CPLX2: variants seen among roughly 807,000 people sequenced by gnomAD.
CPLX2 encodes complexin-2.
CPLX2 carries 5 observed loss-of-function variants against 16.3 expected under a neutral mutation model. The ratio of observed to expected loss-of-function variants is 0.31; its 90% CI spans 0.16 to 0.64. CPLX2 has a LOEUF of 0.64. Among genes scored for constraint, CPLX2 ranks in the 30% least tolerant of loss-of-function variants. CPLX2 has a pLI of 0.79. For missense variants in CPLX2, 144 were observed against 181.4 expected (o/e 0.79, Z 1.18); for synonymous variants, 89 against 73.2 (o/e 1.22, Z -1.10).
chr5:175,833,517 C>A (rs1283812908), intron 2 of CPLX2, among the ~76,000 whole-genome samples: 1 of 152,170 alleles, frequency 6.6e-6, no homozygotes, highest in Non-Finnish European at 1.5e-5. Context: ...AAGGAGCAGA[C>A]ATCTAAGCTG....
chr5:175,829,365 C>T (rs17767831), intron 2 of CPLX2, among the ~76,000 whole-genome samples: 7,840 of 152,206 alleles, frequency 0.052, 257 homozygotes, highest in South Asian at 0.11. Context: ...TCCCTGGGGT[C>T]GCGCAGAAGC....
intron 2 of CPLX2, among the ~76,000 whole-genome samples, chr5:175,858,029 A>G (rs762520327): frequency 6.6e-6 from 1 of 152,256 alleles, no homozygotes; most frequent in Non-Finnish European, 1.5e-5. Context: ...GAAAGTGTCA[A>G]CATCCCACTT....
intron 2 of CPLX2, among the ~76,000 whole-genome samples, chr5:175,833,613 A>G (rs1215297876): frequency 2.0e-5 from 3 of 152,132 alleles, no homozygotes; most frequent in Admixed American, 2.0e-4. Context: ...CAAAGCCTAG[A>G]TCCCACTCCA....
chr5:175,819,627 G>A (rs901615502), intron 2 of CPLX2, among the ~76,000 whole-genome samples: 3 of 152,204 alleles, frequency 2.0e-5, no homozygotes, highest in Non-Finnish European at 4.4e-5. Context: ...GCCAAGTGGA[G>A]TGTCTGGGAT....
chr5:175,857,277 A>G (rs1158216626), intron 2 of CPLX2, among the ~76,000 whole-genome samples: 1 of 152,194 alleles, frequency 6.6e-6, no homozygotes, highest in Non-Finnish European at 1.5e-5. Flanking sequence ...TTTTCAGGTC[A>G]GGCTCAGATG....
At chr5:175,843,300 C>T (rs1758979564) in intron 2 of CPLX2, among the ~76,000 whole-genome samples, 1 of 152,334 alleles carries the variant, frequency 6.6e-6, no homozygotes, top group South Asian at 2.1e-4. Context: ...CAGAAAGCCC[C>T]AAGCTGTAAA....
chr5:175,870,451 T>C (rs1277881560), upstream of CPLX2, among the ~76,000 whole-genome samples: 1 of 152,110 alleles, frequency 6.6e-6, no homozygotes, highest in Non-Finnish European at 1.5e-5. Flanking sequence ...GGAGAAGCCA[T>C]CTCCACTCTG....
intron 2 of CPLX2, among the ~76,000 whole-genome samples, chr5:175,839,158 A>T (rs191276297): frequency 6.6e-6 from 1 of 152,204 alleles, no homozygotes; most frequent in Non-Finnish European, 1.5e-5. Context: ...TTAGCTCTTG[A>T]GTAGCTGGGA....
At chr5:175,801,340 C>T (rs1459762214) in intron 1 of CPLX2, among the ~76,000 whole-genome samples, 4 of 152,050 alleles carry the variant, frequency 2.6e-5, no homozygotes, top group Admixed American at 6.6e-5. Flanking sequence ...CAGTAGCCCA[C>T]GCTAAGGGCT....
rs368897543 is a variant in CPLX2 at position 175,799,425 on chromosome 5, C to A, written c.-169+2641C>A. ...TAAGATCCCATTTTCTTCTCTAGCT[C>A]AAAGAGGCTGGAAGGTGGAAAAGGA... On this transcript the variant is annotated intron_variant, in intron 1 of 4. Coordinates refer to the CPLX2 transcript ENST00000359546. Among the ~76,000 whole-genome samples the A allele has an allele frequency of 4.4e-3, 667 of 151,710 alleles. 3 individuals carry two copies. Among genetic ancestry groups the A allele is most frequent in the South Asian group, 0.017 (80 of 4,772 alleles).
At chr5:175,821,483 T>C (rs559253085) in intron 2 of CPLX2, among the ~76,000 whole-genome samples, 117 of 152,200 alleles carry the variant, frequency 7.7e-4, no homozygotes, top group South Asian at 1.2e-3. Context: ...TCTCGGCTCA[T>C]TGCAACCTCT....
intron 2 of CPLX2, among the ~76,000 whole-genome samples, chr5:175,860,585 G>GAGAAGGAAGGAA (rs1554121256): frequency 7.3e-5 from 7 of 95,610 alleles, no homozygotes; most frequent in African/African-American, 2.5e-4. Flanking sequence ...GAGGGAGGGA[G>GAGAAGGAAGGAA]GGAAGGAAGG....
intron 1 of CPLX2, among the ~76,000 whole-genome samples, chr5:175,807,822 TG>T (rs1758237829): frequency 2.0e-5 from 3 of 151,912 alleles, no homozygotes; most frequent in African/African-American, 7.3e-5. Flanking sequence ...GGGAGGGAAG[TG>T]GGGGTCTGAG....
intron 1 of CPLX2, among the ~76,000 whole-genome samples, chr5:175,808,204 A>G (rs1024522841): frequency 6.6e-6 from 1 of 152,116 alleles, no homozygotes; most frequent in Admixed American, 6.5e-5. Context: ...TAAGCAGACC[A>G]TCTCCCCCTC....
At chr5:175,858,612 A>G (rs373900863) in intron 2 of CPLX2, among the ~76,000 whole-genome samples, 1 of 152,230 alleles carries the variant, frequency 6.6e-6, no homozygotes, top group African/African-American at 2.4e-5. Context: ...AGAGGGTACA[A>G]GCAGGAAATG....
In CPLX2 at chr5:175,839,299, T is replaced by TG. The variant is rs76364284; in HGVS notation, c.-89+30231_-89+30232insG. ...TGTTTTGTTTGTTTGTTTGTTTGTT[T>TG]TTTTGAGAAGGAGTCTCGCTCTGTC... On this transcript the variant is annotated intron_variant, in intron 2 of 4. Transcript: ENST00000359546. Among the ~76,000 whole-genome samples the TG allele has an allele frequency of 2.0e-4, 30 of 151,786 alleles. No individual in the cohort carries two copies. The South Asian group carries it at 3.5e-3, about 18-fold the overall frequency.
intron 1 of CPLX2, among the ~76,000 whole-genome samples, chr5:175,808,511 G>T (rs1758254643): frequency 6.6e-6 from 1 of 152,016 alleles, no homozygotes; most frequent in African/African-American, 2.4e-5. Flanking sequence ...TTTAACAACA[G>T]CAATCATAAC....
rs190723010 is a variant in CPLX2, at chr5:175,801,419, G to A, written c.-169+4635G>A. On this transcript the variant is annotated intron_variant, in intron 1 of 4. Transcript: ENST00000359546. ...AAGCATCTGGGAAGGCTTCATGGAG[G>A]TGGGCAATGGATGTGGGATTGTATC... Among the ~76,000 whole-genome samples the A allele has an allele frequency of 3.2e-3, 489 of 152,322 alleles. 2 individuals carry two copies. The highest frequency in any genetic ancestry group is 0.01 in the African/African-American group (422 of 41,584).
rs1179662856 is a variant in CPLX2 at position 175,849,938 on chromosome 5, G to A, written c.-88-28714G>A. Among the ~76,000 whole-genome samples, 2 of 152,226 alleles carry A rather than the reference G, an allele frequency of 1.3e-5. No individual in the cohort carries two copies. The highest frequency in any genetic ancestry group is 2.9e-5 in the Non-Finnish European group (2 of 68,044). ...GACCGTGTGACTCTGAGCATGAGAA[G>A]TGTGGTTTTGGGTACCATCTGTTTC... On this transcript the variant is annotated intron_variant, in intron 2 of 4. Transcript: ENST00000359546. This position sits in a 1 kb window ranked among gnomAD's most constrained non-coding sequence, Gnocchi z 4.4.
Sources: allele counts gnomAD v4.1 joint callset (sites outside exome capture counted in the v4.1 genomes callset), GRCh38; gene constraint gnomAD v4.1.1; non-coding constraint Gnocchi (gnomAD v3.1); transcripts MANE v1.5; gene names NCBI Gene and HGNC (gene_info 2026-07-23, HGNC 2026-07-21).